Variants in ALKAL1 observed in about 807,000 individuals in gnomAD.
The protein encoded by ALKAL1 is AUG-beta.
Under a neutral mutation model 13.5 loss-of-function variants are expected in ALKAL1, and 23 were observed. The observed-to-expected ratio is 1.70, with a 90% CI of 1.23 to 2.41. The LOEUF (loss-of-function observed/expected upper bound fraction) is 2.41. Ranked by LOEUF, ALKAL1 falls within the 30% of genes most tolerant of loss-of-function variation. ALKAL1 has a pLI of 0.00. For synonymous variants in ALKAL1, 85 were observed against 77.7 expected (o/e 1.09, Z -0.49); for missense variants, 181 against 178.4 (o/e 1.01, Z -0.08).
At chr8:52,542,592 C>T (rs894368819) in intron 1 of ALKAL1, 147 bp from the exon 2 acceptor site, 6 of 601,848 alleles carry the variant, frequency 1.0e-5, no homozygotes, top group East Asian at 2.8e-5. Flanking sequence ...TTTCTCCAGC[C>T]CTGACCATTT....
chr8:52,542,251 TTAG>T, intron 2 of ALKAL1, 138 bp downstream of exon 2: 1 of 588,414 alleles, frequency 1.7e-6, no homozygotes, highest in Non-Finnish European at 3.0e-6. Flanking sequence ...TTAACACAAG[TTAG>T]TAGCATCCGT....
intron 1 of ALKAL1, among the ~76,000 whole-genome samples, chr8:52,562,482 C>T (rs558634971): frequency 1.3e-5 from 2 of 152,256 alleles, no homozygotes; most frequent in East Asian, 1.9e-4. Flanking sequence ...GGGCCAAGGA[C>T]GGTGAATCAG....
chr8:52,552,476 G>T (rs1342217819), intron 1 of ALKAL1, among the ~76,000 whole-genome samples: 1 of 152,180 alleles, frequency 6.6e-6, no homozygotes, highest in Non-Finnish European at 1.5e-5. Flanking sequence ...TTGAGGACTG[G>T]GGAGTTGTGT....
intron 1 of ALKAL1, among the ~76,000 whole-genome samples, chr8:52,549,663 C>T (rs1280913337): frequency 2.6e-5 from 4 of 151,886 alleles, no homozygotes; most frequent in Non-Finnish European, 2.9e-5. Context: ...CTAAATTGGC[C>T]GGGCACGGTG....
chr8:52,560,949 A>G (rs1047609926), intron 1 of ALKAL1, among the ~76,000 whole-genome samples: 1 of 152,184 alleles, frequency 6.6e-6, no homozygotes, highest in African/African-American at 2.4e-5. Context: ...AAATAACATA[A>G]TAAAAATATT....
intron 1 of ALKAL1, among the ~76,000 whole-genome samples, chr8:52,555,744 C>A (rs1350868939): frequency 6.6e-6 from 1 of 152,196 alleles, no homozygotes; most frequent in Non-Finnish European, 1.5e-5. Flanking sequence ...ACTCACCCTG[C>A]CGTGCCTTGG....
intron 1 of ALKAL1, among the ~76,000 whole-genome samples, chr8:52,554,287 T>C (rs886396631): frequency 6.6e-6 from 1 of 152,232 alleles, no homozygotes; most frequent in Non-Finnish European, 1.5e-5. Context: ...CACACCGTGA[T>C]AAGATTTTTA....
chr8:52,541,318 T>C (rs1337618642), intron 2 of ALKAL1, among the ~76,000 whole-genome samples: 1 of 151,300 alleles, frequency 6.6e-6, no homozygotes, highest in Non-Finnish European at 1.5e-5. Context: ...CTAGAGAAAA[T>C]AAAAAATTCG....
intron 1 of ALKAL1, among the ~76,000 whole-genome samples, 178 bp downstream of exon 1, chr8:52,564,889 C>T (rs1847584475): frequency 6.6e-6 from 1 of 152,214 alleles, no homozygotes; most frequent in South Asian, 2.1e-4. Context: ...AACTCTCAAC[C>T]GTGGTAAATC....
At chr8:52,538,910 CTTATTTAT>C (rs903346420) in intron 3 of ALKAL1, among the ~76,000 whole-genome samples, 2 of 151,232 alleles carry the variant, frequency 1.3e-5, no homozygotes, top group South Asian at 4.2e-4. Context: ...TATTTATTTA[CTTATTTAT>C]TTATTTATTT....
intron 1 of ALKAL1, among the ~76,000 whole-genome samples, chr8:52,546,603 G>A (rs1847371682): frequency 6.6e-6 from 1 of 152,136 alleles, no homozygotes; most frequent in Admixed American, 6.5e-5. Flanking sequence ...CCTTTCATAA[G>A]CAACTTCCTT....
At chr8:52,553,553 C>A (rs1029140974) in intron 1 of ALKAL1, among the ~76,000 whole-genome samples, 6 of 152,168 alleles carry the variant, frequency 3.9e-5, no homozygotes, top group Admixed American at 6.5e-5. Flanking sequence ...AGCCAGACCG[C>A]CAAAGATGCC....
intron 1 of ALKAL1, among the ~76,000 whole-genome samples, chr8:52,549,686 A>G (rs1373864009): frequency 1.3e-5 from 2 of 152,152 alleles, no homozygotes. Flanking sequence ...TCATGTCTGT[A>G]ATCTCAGCAC....
intron 1 of ALKAL1, among the ~76,000 whole-genome samples, chr8:52,562,470 G>A (rs1847560356): frequency 6.6e-6 from 1 of 152,166 alleles, no homozygotes; most frequent in African/African-American, 2.4e-5. Context: ...GAGAAGGAAG[G>A]AGGGCCAAGG....
chr8:52,553,108 G>A (rs1428298335), intron 1 of ALKAL1, among the ~76,000 whole-genome samples: 1 of 152,172 alleles, frequency 6.6e-6, no homozygotes, highest in Non-Finnish European at 1.5e-5. Flanking sequence ...AGCACTTTGG[G>A]AGGACAAGGT....
At chr8:52,538,352 A>G in intron 4 of ALKAL1, 79 bp downstream of exon 4, 1 of 800,106 alleles carries the variant, frequency 1.2e-6, no homozygotes, top group Non-Finnish European at 2.1e-6. Context: ...ATTATGTGTC[A>G]ACTAAAAAGA....
Position 52,564,203 on chromosome 8 carries a change from C to T in ALKAL1, c.190+864G>A, listed in dbSNP as rs117179204. 4.5e-3 allele frequency among the ~76,000 whole-genome samples: 678 copies of T among 152,306 alleles called. 3 individuals are homozygous for T. The highest frequency in any genetic ancestry group is 7.4e-3 in the Non-Finnish European group (505 of 68,022). ...CAAATGTCCCCGCAGAGGGGCCCTT[C>T]TGTCCCAGCCTCGCCGGCAGCTTCA... On this transcript the variant is annotated intron_variant, in intron 1 of 4. Coordinates refer to ENST00000358543, the MANE Select transcript of ALKAL1 (RefSeq NM_207413.4).
intron 1 of ALKAL1, among the ~76,000 whole-genome samples, chr8:52,546,731 G>A (rs537583566): frequency 6.6e-6 from 1 of 152,356 alleles, no homozygotes; most frequent in African/African-American, 2.4e-5. Context: ...GGACACAGCA[G>A]TAAGGACAAA....
rs2613244 is a variant in ALKAL1, at chr8:52,554,808, G to C, written c.190+10259C>G. 5.0e-3 allele frequency among the ~76,000 whole-genome samples: 762 copies of C among 152,288 alleles called. 5 individuals carry two copies. The highest frequency in any genetic ancestry group is 8.6e-3 in the Non-Finnish European group (586 of 68,018). Reference sequence around the variant, plus strand: ...GAGTAGAACAAAGCAAGAATAACTGGAATCAGGAATCATTTAACGAGGAAG... The same window carrying C: ...GAGTAGAACAAAGCAAGAATAACTGCAATCAGGAATCATTTAACGAGGAAG... On this transcript the variant is annotated intron_variant, in intron 1 of 4. Transcript: ENST00000358543.
Sources: gnomAD v4.1 joint callset for allele counts (sites outside exome capture counted in the v4.1 genomes callset) on GRCh38, gnomAD v4.1.1 for gene constraint, MANE v1.5 for transcripts, NCBI Gene and HGNC (gene_info 2026-07-23, HGNC 2026-07-21) for gene names.